Variants in OGDHL observed in about 807,000 individuals in gnomAD.
OGDHL encodes oxoglutarate dehydrogenase L.
A neutral mutation model predicts 109.6 loss-of-function variants in OGDHL; 79 were observed. The ratio of observed to expected loss-of-function variants is 0.72; its 90% confidence interval spans 0.60 to 0.87. OGDHL has a LOEUF of 0.87. OGDHL is among the 40% of genes least tolerant of loss of function. The pLI is 0.00. For missense variants in OGDHL, 1,275 were observed against 1,362.2 expected (o/e 0.94, Z 1.01); for synonymous variants, 528 against 537.2 (o/e 0.98, Z 0.24).
chr10:49,752,883 GCTGC>G (rs1842699710), intron 3 of OGDHL, 143 bp from the exon 4 acceptor site: 2 of 623,986 alleles, frequency 3.2e-6, no homozygotes, highest in Non-Finnish European at 5.6e-6. Flanking sequence ...CTACTTCACT[GCTGC>G]CTGCGAGACC....
intron 10 of OGDHL, among the ~76,000 whole-genome samples, 157 bp downstream of exon 10, chr10:49,746,593 G>A (rs918944620): frequency 2.6e-5 from 4 of 152,218 alleles, no homozygotes; most frequent in African/African-American, 9.6e-5. Flanking sequence ...CAATTTCACA[G>A]ACCAGGACAC....
chr10:49,745,159 T>C (rs1842082031), intron 12 of OGDHL, among the ~76,000 whole-genome samples, 185 bp downstream of exon 12: 1 of 152,264 alleles, frequency 6.6e-6, no homozygotes, highest in African/African-American at 2.4e-5. Flanking sequence ...TGTGTCCCAC[T>C]TGGCTGTAAC....
At chr10:49,758,764 T>G in intron 1 of OGDHL, 171 bp from the exon 2 acceptor site, 2 of 672,618 alleles carry the variant, frequency 3.0e-6, no homozygotes, top group Middle Eastern at 3.8e-4. Context: ...CTGGGCTTAC[T>G]GTCTGGTGGA....
In OGDHL at chr10:49,735,250, G is replaced by T. The variant is rs1331138713; in HGVS notation, c.3011C>A (p.Ala1004Asp). The T allele has an allele frequency of 1.2e-6, 2 of 1,613,932 alleles. No individual in the cohort carries two copies. The highest frequency in any genetic ancestry group is 1.7e-6 in the Non-Finnish European group (2 of 1,179,954). The stretch of plus-strand genomic sequence containing the variant: ...GCTCTAAAATGTCTTGCCCTCAAAG[G>T]CCTGGAGATTGAAGGCAGTATCCAG... ...KFLDTAFNLQ[A>D]FEGKTF Residue 1004 changes from alanine to aspartate, a missense_variant, in exon 23 of 23, where the codon GCC becomes GAC. Transcript: ENST00000374103.
intron 20 of OGDHL, 76 bp from the exon 21 acceptor site, chr10:49,736,596 C>T (rs888885357): frequency 2.7e-6 from 4 of 1,485,896 alleles, no homozygotes; most frequent in Non-Finnish European, 3.6e-6. Context: ...GGCCTGCATC[C>T]CCAGGCTCTC....
rs1302168748 is a variant in OGDHL, at chr10:49,752,753, A to C, written c.376-13T>G. 5 of 1,605,406 alleles carry C rather than the reference A, an allele frequency of 3.1e-6. No homozygotes were observed. The African/African-American group carries it at 5.4e-5, about 17-fold the overall frequency. On this transcript the variant is annotated splice_polypyrimidine_tract_variant and intron_variant, in intron 3 of 22. Coordinates refer to ENST00000374103, the MANE Select transcript of OGDHL (RefSeq NM_018245.3). ...GGTGACCCCGGATCTGGGAGGAGGG[A>C]AAAGAGCAGGGTGGGGCTGGGACCC...
intron 14 of OGDHL, chr10:49,743,564 C>T (rs41281977): frequency 0.068 from 11,408 of 168,788 alleles, 538 homozygotes; most frequent in Non-Finnish European, 0.095. Flanking sequence ...AGTCTCACCC[C>T]GGAGTGGGGG....
In OGDHL at chr10:49,745,754, G is replaced by A. The variant is rs370911589; in HGVS notation, c.1476+44C>T. 4.8e-5 allele frequency: 76 copies of A among 1,596,978 alleles called. No homozygotes were observed. The African/African-American group carries it at 9.8e-4, about 21-fold the overall frequency. On this transcript the variant is annotated intron_variant, in intron 11 of 22. Coordinates refer to ENST00000374103, the MANE Select transcript of OGDHL (RefSeq NM_018245.3). The stretch of plus-strand genomic sequence containing the variant: ...GACATGGCTGGCTCAGCACAGCAGG[G>A]ATGGGCCACCCACCCATGCCTTGGC...
At chr10:49,741,495 C>G (rs528466756) in intron 15 of OGDHL, among the ~76,000 whole-genome samples, 4 of 152,138 alleles carry the variant, frequency 2.6e-5, no homozygotes, top group East Asian at 3.9e-4. Context: ...TAACCAGGAG[C>G]GGACTGAGGC....
At chr10:49,758,775 A>G in intron 1 of OGDHL, 182 bp from the exon 2 acceptor site, 1 of 634,462 alleles carries the variant, frequency 1.6e-6, no homozygotes, top group Non-Finnish European at 2.8e-6. Flanking sequence ...GTCTGGTGGA[A>G]GCTCCCAGCT....
At chr10:49,751,775 T>C (rs1191236389) in intron 6 of OGDHL, 52 bp downstream of exon 6, 9 of 1,593,072 alleles carry the variant, frequency 5.6e-6, no homozygotes, top group African/African-American at 2.7e-5. Flanking sequence ...GGACGTCTCA[T>C]AGAGCCCTGG....
chr10:49,750,514 T>C (rs771724514), intron 7 of OGDHL, among the ~76,000 whole-genome samples: 1 of 152,112 alleles, frequency 6.6e-6, no homozygotes, highest in Non-Finnish European at 1.5e-5. Flanking sequence ...AAGAAATCCC[T>C]CCACCTCTCC....
chr10:49,749,605 T>C, intron 8 of OGDHL, 121 bp downstream of exon 8: 1 of 824,838 alleles, frequency 1.2e-6, no homozygotes, highest in Non-Finnish European at 1.9e-6. Context: ...CCTGCAGGCT[T>C]CTCCAATGCA....
intron 10 of OGDHL, 146 bp downstream of exon 10, chr10:49,746,604 C>T (rs1301398667): frequency 2.8e-6 from 3 of 1,090,300 alleles, no homozygotes; most frequent in Non-Finnish European, 3.9e-6. Context: ...ACCAGGACAC[C>T]AAGGCTGGAA....
rs373960674 is a variant in OGDHL, at chr10:49,751,912, G to A, written c.664C>T (p.Arg222Trp). 37 of 1,614,154 alleles carry A rather than the reference G, an allele frequency of 2.3e-5. 1 individual carries two copies. Among genetic ancestry groups the A allele is most frequent in the South Asian group, 9.9e-5 (9 of 91,086 alleles). Residue 222 changes from arginine to tryptophan, a missense_variant, in exon 6 of 23, where the codon CGG (arginine) becomes TGG (tryptophan). Coordinates refer to ENST00000374103, the MANE Select transcript of OGDHL (RefSeq NM_018245.3). ...ACACCAGGGGTCTCAAACTTCTGCC[G>A]GATCCACTGGCACTGCTCCACATCG... is the stretch of plus-strand genomic sequence containing the variant. ...INDVEQCQWI[R>W]QKFETPGVMQ...
chr10:49,739,406 C>A, intron 17 of OGDHL: 1 of 444,844 alleles, frequency 2.2e-6, no homozygotes, highest in African/African-American at 2.0e-5. Context: ...GAAGAGTTAA[C>A]ATTCAGAAGC....
intron 16 of OGDHL, 134 bp from the exon 17 acceptor site, chr10:49,739,973 T>A: frequency 3.6e-6 from 3 of 843,502 alleles, no homozygotes; most frequent in Non-Finnish European, 5.4e-6. Flanking sequence ...AACCCAGGGA[T>A]TCCCTGGGAT....
In OGDHL at chr10:49,752,252, GAGA is replaced by G; in HGVS notation, c.479-7_479-5del. On this transcript the variant is annotated splice_polypyrimidine_tract_variant and splice_region_variant and intron_variant, in intron 4 of 22. Coordinates refer to ENST00000374103, the MANE Select transcript of OGDHL (RefSeq NM_018245.3). ...GCCTCCTGAAGGTCATAGAAGGCTGGAGAAGGAGGCGTGGCCGAGCCCCGGGCA... is the reference window on the plus strand; with the variant it reads ...GCCTCCTGAAGGTCATAGAAGGCTGGAGGAGGCGTGGCCGAGCCCCGGGCA... 2 of 1,611,680 alleles carry G rather than the reference GAGA, an allele frequency of 1.2e-6. No individual in the cohort carries two copies. Among genetic ancestry groups the G allele is most frequent in the East Asian group, 2.2e-5 (1 of 44,862 alleles).
At chr10:49,746,940 C>T (rs1842232820) in intron 9 of OGDHL, 62 bp from the exon 10 acceptor site, 2 of 1,611,792 alleles carry the variant, frequency 1.2e-6, no homozygotes, top group South Asian at 1.1e-5. Flanking sequence ...CCAGCCGGCA[C>T]CTGTACTGTG....
Sources: gnomAD v4.1 joint callset for allele counts (sites outside exome capture counted in the v4.1 genomes callset) on GRCh38, gnomAD v4.1.1 for gene constraint, MANE v1.5 for transcripts, NCBI Gene and HGNC (gene_info 2026-07-23, HGNC 2026-07-21) for gene names.